Variants in ACOT7 observed in about 807,000 individuals in gnomAD.
ACOT7 encodes the protein cytosolic acyl coenzyme A thioester hydrolase.
ACOT7 carries 12 observed loss-of-function variants against 40.2 expected under a neutral mutation model. The ratio of observed to expected loss-of-function variants is 0.30; its 90% confidence interval spans 0.19 to 0.48. The LOEUF is 0.48. ACOT7 is among the 20% of genes least tolerant of loss of function. ACOT7 has a pLI of 0.99. For missense variants in ACOT7, 395 were observed against 530.8 expected (o/e 0.74, Z 2.51); for synonymous variants, 228 against 219.5 (o/e 1.04, Z -0.34).
chr1:6,380,683 ATG>A (rs1642318237), intron 1 of ACOT7, among the ~76,000 whole-genome samples: 1 of 150,432 alleles, frequency 6.6e-6, no homozygotes, highest in Non-Finnish European at 1.5e-5. Context: ...ACACAAAAGA[ATG>A]AGTTGCACCT....
chr1:6,330,802 T>C lies in ACOT7; in HGVS notation c.510+2675A>G, dbSNP rs1393730936. Among the ~76,000 whole-genome samples, 4 of 152,122 alleles carry C rather than the reference T, an allele frequency of 2.6e-5. No homozygotes were observed. Among genetic ancestry groups the C allele is most frequent in the East Asian group, 3.9e-4 (2 of 5,190 alleles). On this transcript the variant is annotated intron_variant, in intron 4 of 8. Transcript: ENST00000361521. This position sits in a 1 kb window ranked among gnomAD's most constrained non-coding sequence, Gnocchi z 4.6. Reference sequence around the variant, plus strand: ...ATCCTAAGCGACAAGGCAGCAAAAGTGACTGTGTTCAGGTCCAGGCCCGCC... The same window carrying C: ...ATCCTAAGCGACAAGGCAGCAAAAGCGACTGTGTTCAGGTCCAGGCCCGCC...
chr1:6,285,666 C>A (rs1039801504), intron 7 of ACOT7, among the ~76,000 whole-genome samples: 1 of 152,186 alleles, frequency 6.6e-6, no homozygotes, highest in African/African-American at 2.4e-5. Context: ...CTGAAGACAG[C>A]GTGTCCAGGT....
chr1:6,282,886 G>C lies in ACOT7; in HGVS notation c.830-1600C>G, dbSNP rs777959526. 6.4e-5 allele frequency: 61 copies of C among 952,028 alleles called. No homozygotes were observed. The highest frequency in any genetic ancestry group is 9.1e-5 in the Non-Finnish European group (61 of 667,952). The allele number at this position is 952,028 out of a possible 1,614,324, so 59.0% of individuals were successfully genotyped here. A position where few individuals can be genotyped will look rare whatever the true frequency, so the allele number is the denominator to read the frequency against. ...GGCCATGGGTCAGGCCCCAGCTAAG[G>C]AGCTAGAAGTTTCAACAGGTCAGAC... On this transcript the variant is annotated intron_variant, in intron 7 of 8. Coordinates refer to ENST00000361521, the MANE Select transcript of ACOT7 (RefSeq NM_007274.4). This position sits in a 1 kb window ranked among gnomAD's most constrained non-coding sequence, Gnocchi z 4.5.
intron 6 of ACOT7, among the ~76,000 whole-genome samples, chr1:6,297,763 T>C (rs1639850594): frequency 6.6e-6 from 1 of 152,182 alleles, no homozygotes; most frequent in Non-Finnish European, 1.5e-5. Flanking sequence ...ATCTTTTAGA[T>C]ACAATATCTG....
At chr1:6,284,786 GC>G (rs1639456614) in intron 7 of ACOT7, among the ~76,000 whole-genome samples, 1 of 151,986 alleles carries the variant, frequency 6.6e-6, no homozygotes, top group African/African-American at 2.4e-5. Context: ...CTCTACAAGG[GC>G]CCCTAGCCTG....
Position 6,314,303 on chromosome 1 carries a change from C to G in ACOT7, c.712+4189G>C, listed in dbSNP as rs555404777. ...AGGAAGCAGAGTCCTGAATCAGAAA[C>G]AGGAGCTACCCCTGCAGGAGCGATG... On this transcript the variant is annotated intron_variant, in intron 6 of 8. Transcript: ENST00000361521. 2.0e-5 allele frequency among the ~76,000 whole-genome samples: 3 copies of G among 152,270 alleles called. No homozygotes were observed. The East Asian group carries it at 5.8e-4, about 29-fold the overall frequency.
At chr1:6,347,546 C>T (rs1457604538) in intron 2 of ACOT7, among the ~76,000 whole-genome samples, 1 of 152,192 alleles carries the variant, frequency 6.6e-6, no homozygotes. Context: ...GGGCAGATCA[C>T]TTGAAGTCAG....
chr1:6,362,081 T>C (rs1641905591), intron 1 of ACOT7, among the ~76,000 whole-genome samples: 1 of 152,210 alleles, frequency 6.6e-6, no homozygotes, highest in African/African-American at 2.4e-5. Context: ...GGTTTCTACT[T>C]TTCTGGGGAA....
intron 6 of ACOT7, among the ~76,000 whole-genome samples, chr1:6,300,445 C>T (rs1277272769): frequency 6.6e-6 from 1 of 151,708 alleles, no homozygotes; most frequent in African/African-American, 2.4e-5. Flanking sequence ...GAGTCCATGA[C>T]TCACAGCTGG....
intron 2 of ACOT7, among the ~76,000 whole-genome samples, chr1:6,349,071 T>TC (rs1403220686): frequency 1.3e-5 from 2 of 151,972 alleles, no homozygotes; most frequent in Non-Finnish European, 2.9e-5. Flanking sequence ...AGGGCTGGCT[T>TC]CCCCCCAACA....
At chr1:6,313,324 G>A (rs149636918) in intron 6 of ACOT7, among the ~76,000 whole-genome samples, 199 of 152,320 alleles carry the variant, frequency 1.3e-3, no homozygotes, top group African/African-American at 4.5e-3. Flanking sequence ...CAGCAGACAG[G>A]CAGAGGTTGC....
At chr1:6,332,175 G>A (rs922451897) in intron 4 of ACOT7, among the ~76,000 whole-genome samples, 1 of 152,170 alleles carries the variant, frequency 6.6e-6, no homozygotes, top group Non-Finnish European at 1.5e-5. Flanking sequence ...TTCTAAAAAT[G>A]TATTCTATAT....
chr1:6,270,972 C>T (rs1255341914), intron 8 of ACOT7, among the ~76,000 whole-genome samples: 3 of 152,264 alleles, frequency 2.0e-5, no homozygotes, highest in Admixed American at 6.5e-5. Flanking sequence ...GTTGACAGTA[C>T]GCTCCCTCCC....
At chr1:6,268,161 G>C (rs1225939843) in intron 8 of ACOT7, among the ~76,000 whole-genome samples, 1 of 152,188 alleles carries the variant, frequency 6.6e-6, no homozygotes, top group Non-Finnish European at 1.5e-5. Flanking sequence ...TGTGGCGGGG[G>C]ATGTCCACCT....
At chr1:6,328,016 C>A (rs746349108) in intron 4 of ACOT7, among the ~76,000 whole-genome samples, 39 of 152,148 alleles carry the variant, frequency 2.6e-4, no homozygotes, top group Non-Finnish European at 4.9e-4. Flanking sequence ...TTGCGATCTG[C>A]CCGCCTCAGC....
chr1:6,317,654 T>A (rs1640529891), intron 6 of ACOT7, among the ~76,000 whole-genome samples: 1 of 152,058 alleles, frequency 6.6e-6, no homozygotes, highest in African/African-American at 2.4e-5. Context: ...CGGGGCTGCA[T>A]GTGAGCCTCC....
intron 6 of ACOT7, among the ~76,000 whole-genome samples, chr1:6,296,788 T>C (rs1451829206): frequency 1.3e-5 from 2 of 152,104 alleles, no homozygotes; most frequent in South Asian, 4.2e-4. Context: ...CCCAGGCTGG[T>C]ATCAAACTCC....
At chr1:6,386,639 T>G (rs1642445324) in intron 1 of ACOT7, among the ~76,000 whole-genome samples, 2 of 152,164 alleles carry the variant, frequency 1.3e-5, no homozygotes, top group African/African-American at 4.8e-5. Context: ...GAAGATCACT[T>G]GAGCCCAGGA....
At chr1:6,378,778 C>T (rs1348562025) in intron 1 of ACOT7, among the ~76,000 whole-genome samples, 1 of 151,922 alleles carries the variant, frequency 6.6e-6, no homozygotes, top group Non-Finnish European at 1.5e-5. Flanking sequence ...GACAGAAAGG[C>T]TGGCGAGGGC....
Sources: allele counts gnomAD v4.1 joint callset (sites outside exome capture counted in the v4.1 genomes callset), GRCh38; gene constraint gnomAD v4.1.1; non-coding constraint Gnocchi (gnomAD v3.1); transcripts MANE v1.5; gene names NCBI Gene and HGNC (gene_info 2026-07-23, HGNC 2026-07-21).